The following FUT8 variants were observed in gnomAD, a reference collection of about 807,000 sequenced individuals.
FUT8 encodes the protein alpha-(1,6)-fucosyltransferase.
FUT8 carries 29 observed loss-of-function variants against 71.3 expected under a neutral mutation model. That is an observed-to-expected ratio of 0.41 (90% CI 0.30 to 0.55). FUT8 has a LOEUF of 0.55. Among genes scored for constraint, FUT8 ranks in the 20% least tolerant of loss-of-function variants. The probability of loss-of-function intolerance (pLI) is 0.34; values close to 1 mark genes in which losing one functional copy is unlikely to be tolerated. For synonymous variants in FUT8, 254 were observed against 239.3 expected, an observed-to-expected ratio of 1.06 and a Z score of -0.57; for missense variants, 544 against 702.1, an observed-to-expected ratio of 0.77 and a Z score of 2.55.
Position 65,579,205 on chromosome 14 carries a change from G to A in FUT8, c.203+17439G>A, listed in dbSNP as rs149409189. On this transcript the variant is annotated intron_variant, in intron 3 of 10. Transcript: ENST00000673929. ...TAAAAATCTTCCAAAGAATTATGAA[G>A]TTGTATCTGATTTTCAGTGTACTGC... Among the ~76,000 whole-genome samples, 1,479 of 152,232 alleles carry A rather than the reference G, an allele frequency of 9.7e-3. 26 individuals are homozygous for A. Among genetic ancestry groups the A allele is most frequent in the African/African-American group, 0.034 (1,420 of 41,552 alleles).
chr14:65,398,509 G>A, the FUT8 span, among the ~76,000 whole-genome samples: 2 of 152,078 alleles, frequency 1.3e-5, no homozygotes, highest in African/African-American at 2.4e-5. Flanking sequence ...GCCGAGGCGG[G>A]TGGATCACAA....
chr14:65,741,953 A>G, intron 10 of FUT8, 140 bp from the exon 11 acceptor site: 1 of 636,134 alleles, frequency 1.6e-6, no homozygotes, highest in Non-Finnish European at 2.7e-6. Context: ...CTGAGAACAA[A>G]TGGACTGAAA....
At chr14:65,687,966 G>A (rs1436852384) in intron 7 of FUT8, among the ~76,000 whole-genome samples, 1 of 152,224 alleles carries the variant, frequency 6.6e-6, no homozygotes, top group African/African-American at 2.4e-5. Context: ...CTGGCTTGAA[G>A]CAGTTCTTTT....
chr14:65,398,505 G>A, the FUT8 span, among the ~76,000 whole-genome samples: 1 of 152,064 alleles, frequency 6.6e-6, no homozygotes, highest in Non-Finnish European at 1.5e-5. Context: ...GGAGGCCGAG[G>A]CGGGTGGATC....
intron 3 of FUT8, among the ~76,000 whole-genome samples, chr14:65,565,995 A>G (rs1382683243): frequency 6.6e-6 from 1 of 151,936 alleles, no homozygotes. Flanking sequence ...GCATAAAACA[A>G]TCATTTATTT....
At chr14:65,394,750 C>CCT in the FUT8 span, among the ~76,000 whole-genome samples, 2 of 132,588 alleles carry the variant, frequency 1.5e-5, no homozygotes, top group Non-Finnish European at 3.1e-5. Flanking sequence ...GCAGTCAAAT[C>CCT]TTTTTTTTTT....
chr14:65,665,658 G>A (rs1300299372), intron 6 of FUT8, among the ~76,000 whole-genome samples: 6 of 152,000 alleles, frequency 3.9e-5, no homozygotes, highest in Non-Finnish European at 5.9e-5. Context: ...CACTATTCAC[G>A]GTAGCAAAGA....
intron 2 of FUT8, among the ~76,000 whole-genome samples, chr14:65,523,840 C>T (rs1883254775): frequency 6.6e-6 from 1 of 152,280 alleles, no homozygotes; most frequent in East Asian, 1.9e-4. Context: ...AATCCTTTCC[C>T]CATTGCTTGT....
the FUT8 span, among the ~76,000 whole-genome samples, chr14:65,380,018 C>T: frequency 6.6e-6 from 1 of 152,192 alleles, no homozygotes; most frequent in Non-Finnish European, 1.5e-5. Context: ...CTCTTAATAC[C>T]AGCACAATAG....
intron 3 of FUT8, among the ~76,000 whole-genome samples, chr14:65,578,911 A>G (rs1886932615): frequency 1.3e-5 from 2 of 152,150 alleles, no homozygotes; most frequent in Admixed American, 1.3e-4. Context: ...TTTTAAAAAA[A>G]TGTATGCAAA....
intron 2 of FUT8, among the ~76,000 whole-genome samples, chr14:65,526,450 G>A (rs560306620): frequency 1.8e-4 from 28 of 152,116 alleles, no homozygotes; most frequent in East Asian, 7.7e-4. Context: ...TTGAGCCTAC[G>A]TGTGTCTCTT....
chr14:65,551,210 A>G (rs368449344), intron 2 of FUT8, among the ~76,000 whole-genome samples: 2 of 152,200 alleles, frequency 1.3e-5, no homozygotes, highest in South Asian at 2.1e-4. Context: ...ATCAAAGTCA[A>G]GCTGCTTGAA....
the FUT8 span, among the ~76,000 whole-genome samples, chr14:65,390,044 G>A: frequency 2.0e-5 from 3 of 151,332 alleles, no homozygotes; most frequent in Non-Finnish European, 4.4e-5. Flanking sequence ...GGGAGGCTGA[G>A]GTGGGAGGAT....
intron 10 of FUT8, among the ~76,000 whole-genome samples, chr14:65,736,372 G>C (rs775654139): frequency 3.3e-5 from 5 of 150,766 alleles, no homozygotes; most frequent in Admixed American, 6.6e-5. Context: ...GACTGTATGC[G>C]CTCACATTTT....
intron 2 of FUT8, among the ~76,000 whole-genome samples, chr14:65,516,789 A>G (rs1407222010): frequency 6.6e-6 from 1 of 152,030 alleles, no homozygotes; most frequent in Non-Finnish European, 1.5e-5. Flanking sequence ...TATACAGTTC[A>G]TTGTTATGCA....
intron 6 of FUT8, chr14:65,646,593 C>T (rs1482856633): frequency 7.3e-6 from 1 of 136,724 alleles, no homozygotes; most frequent in Non-Finnish European, 1.7e-5. Context: ...TGCCAAGAAC[C>T]TTTGTGTAAG....
the FUT8 span, among the ~76,000 whole-genome samples, chr14:65,362,242 A>C: frequency 6.6e-6 from 1 of 152,204 alleles, no homozygotes; most frequent in Non-Finnish European, 1.5e-5. Flanking sequence ...AGTCCCTGTC[A>C]ACAATTGTTC....
chr14:65,606,108 T>A (rs1888573240), intron 3 of FUT8, among the ~76,000 whole-genome samples: 1 of 149,708 alleles, frequency 6.7e-6, no homozygotes, highest in African/African-American at 2.5e-5. Flanking sequence ...AGTCTCGCTC[T>A]GTCGCCCAGG....
intron 5 of FUT8, among the ~76,000 whole-genome samples, chr14:65,626,678 AC>A (rs1488011846): frequency 6.6e-6 from 1 of 152,158 alleles, no homozygotes; most frequent in Non-Finnish European, 1.5e-5. Flanking sequence ...GAATAGGTGT[AC>A]CTATTTATTG....
Sources: gnomAD v4.1 joint callset for allele counts (sites outside exome capture counted in the v4.1 genomes callset) on GRCh38, gnomAD v4.1.1 for gene constraint, MANE v1.5 for transcripts, NCBI Gene and HGNC (gene_info 2026-07-23, HGNC 2026-07-21) for gene names.